Variants in MBNL3 observed in about 807,000 individuals in gnomAD.
The protein encoded by MBNL3 is muscleblind like splicing regulator 3.
A neutral mutation model predicts 24.5 loss-of-function variants in MBNL3; 6 were observed. The ratio of observed to expected loss-of-function variants is 0.25; its 90% CI spans 0.13 to 0.48. The LOEUF (loss-of-function observed/expected upper bound fraction) is 0.48, where lower values mean the gene tolerates loss of function less well. MBNL3 is among the 20% of genes least tolerant of loss of function. The pLI, the probability that MBNL3 is intolerant of heterozygous loss-of-function variation, is 0.99. For synonymous variants in MBNL3, 100 were observed against 101.7 expected, an observed-to-expected ratio of 0.98 and a Z score of 0.10; for missense variants, 230 against 293.5, an observed-to-expected ratio of 0.78 and a Z score of 1.58.
chrX:132,425,122 T>C (rs1175839298), intron 2 of MBNL3, among the ~76,000 whole-genome samples: 1 of 112,072 alleles, frequency 8.9e-6, no homozygotes, highest in Admixed American at 9.4e-5. Context: ...TTGTTGTTGT[T>C]GAAACACTTT....
chrX:132,471,464 C>A (rs1015821489), intron 1 of MBNL3, among the ~76,000 whole-genome samples: 1 of 112,427 alleles, frequency 8.9e-6, no homozygotes, highest in African/African-American at 3.2e-5. Flanking sequence ...GCAGAAGGAT[C>A]GCTTGAGCCC....
chrX:132,412,330 C>A (rs909672672), intron 2 of MBNL3, among the ~76,000 whole-genome samples: 1 of 111,333 alleles, frequency 9.0e-6, no homozygotes, highest in African/African-American at 3.3e-5. Flanking sequence ...CCCAGGAGGG[C>A]CCTGCATTTC....
At chrX:132,438,694 A>G (rs761218846) in intron 2 of MBNL3, among the ~76,000 whole-genome samples, 49 of 105,795 alleles carry the variant, frequency 4.6e-4, no homozygotes, top group Non-Finnish European at 8.3e-4. Context: ...CTGCAATCAT[A>G]TACATCCTGT....
intron 2 of MBNL3, among the ~76,000 whole-genome samples, chrX:132,434,458 A>G (rs1209523663): frequency 8.9e-6 from 1 of 112,404 alleles, no homozygotes. Context: ...TGGGGGACAT[A>G]GTTATCAGTT....
chrX:132,479,240 C>T (rs1240268716), intron 1 of MBNL3, among the ~76,000 whole-genome samples: 2 of 111,917 alleles, frequency 1.8e-5, no homozygotes, highest in Non-Finnish European at 3.8e-5. Flanking sequence ...AAGAGTGAGA[C>T]TTCAACTCCA....
chrX:132,414,272 T>C (rs1943096817), intron 2 of MBNL3, among the ~76,000 whole-genome samples: 1 of 112,719 alleles, frequency 8.9e-6, no homozygotes, highest in Non-Finnish European at 1.9e-5. Flanking sequence ...AATTTATTTT[T>C]TCATTAAGAA....
At chrX:132,399,804 T>TA (rs199556571) in intron 3 of MBNL3, among the ~76,000 whole-genome samples, 11,017 of 91,476 alleles carry the variant, frequency 0.12, 601 homozygotes, top group Non-Finnish European at 0.15. Flanking sequence ...AACCTGCAGG[T>TA]AAAAAAAAAA....
chrX:132,455,894 C>A (rs1255032385), intron 1 of MBNL3, among the ~76,000 whole-genome samples: 2 of 112,014 alleles, frequency 1.8e-5, no homozygotes, highest in African/African-American at 6.5e-5. Flanking sequence ...AATTTCAACA[C>A]AACTGCCGTG....
chrX:132,396,546 C>CTA (rs1458577307), intron 3 of MBNL3, among the ~76,000 whole-genome samples: 772 of 29,864 alleles, frequency 0.026, 107 homozygotes, highest in African/African-American at 0.084. Context: ...ATATATATTC[C>CTA]TATATATTCC....
intron 2 of MBNL3, chrX:132,431,818 C>T (rs966654285): frequency 9.0e-6 from 1 of 111,600 alleles, no homozygotes; most frequent in Non-Finnish European, 1.9e-5. Context: ...ATCCACACCA[C>T]GGTATTCATC....
At chrX:132,390,778 A>G (rs1937057370) in intron 5 of MBNL3, 69 bp downstream of exon 5, 1 of 883,420 alleles carries the variant, frequency 1.1e-6, no homozygotes, top group Non-Finnish European at 1.6e-6. Flanking sequence ...GTTACAGGAT[A>G]TTAGACAAAT....
chrX:132,407,948 A>C (rs376853688), intron 2 of MBNL3, among the ~76,000 whole-genome samples: 1 of 109,074 alleles, frequency 9.2e-6, no homozygotes, highest in East Asian at 2.9e-4. Context: ...GATTTCCCCA[A>C]GGCCCTGTTC....
At chrX:132,476,074 A>G (rs2148530652) in intron 1 of MBNL3, among the ~76,000 whole-genome samples, 1 of 111,765 alleles carries the variant, frequency 8.9e-6, no homozygotes, top group South Asian at 3.8e-4. Context: ...TAGGGGTCCA[A>G]GGAAACCTTA....
chrX:132,433,487 T>C (rs921750238), intron 2 of MBNL3, among the ~76,000 whole-genome samples: 1 of 112,195 alleles, frequency 8.9e-6, no homozygotes, highest in African/African-American at 3.2e-5. Context: ...CACTGGGGTA[T>C]GAACTGGAGT....
chrX:132,420,251 C>G (rs1255491789), intron 2 of MBNL3, among the ~76,000 whole-genome samples: 1 of 112,025 alleles, frequency 8.9e-6, no homozygotes, highest in Non-Finnish European at 1.9e-5. Flanking sequence ...AGCCTTTAGC[C>G]CGATCGGGAG....
intron 3 of MBNL3, among the ~76,000 whole-genome samples, chrX:132,395,751 T>C (rs1938054312): frequency 9.0e-6 from 1 of 111,711 alleles, no homozygotes; most frequent in Non-Finnish European, 1.9e-5. Context: ...CTAATCTTTT[T>C]TGAGTCCAGG....
chrX:132,407,011 G>T (rs757299038), intron 2 of MBNL3, among the ~76,000 whole-genome samples: 1 of 111,796 alleles, frequency 8.9e-6, no homozygotes, highest in East Asian at 2.8e-4. Context: ...GGGGAAGGTG[G>T]GGAGCAAAAG....
chrX:132,427,302 T>C (rs148674614), intron 2 of MBNL3, among the ~76,000 whole-genome samples: 118 of 111,974 alleles, frequency 1.1e-3, no homozygotes, highest in African/African-American at 3.6e-3. Flanking sequence ...AAGATGGCTA[T>C]GGTTTTAAAA....
chrX:132,483,675 G>A (rs1947857857), intron 1 of MBNL3, among the ~76,000 whole-genome samples: 1 of 112,187 alleles, frequency 8.9e-6, no homozygotes, highest in African/African-American at 3.2e-5. Flanking sequence ...CACATAAGGA[G>A]AAATTGCAAG....
Sources: allele counts gnomAD v4.1 joint callset (sites outside exome capture counted in the v4.1 genomes callset), GRCh38; gene constraint gnomAD v4.1.1; transcripts MANE v1.5; gene names NCBI Gene and HGNC (gene_info 2026-07-23, HGNC 2026-07-21).